SMG6: variants seen among roughly 807,000 people sequenced by gnomAD.
The protein encoded by SMG6 is telomerase-binding protein EST1A.
Under a neutral mutation model 142.2 loss-of-function variants are expected in SMG6, and 66 were observed. That is an observed-to-expected ratio of 0.46 (90% CI 0.38 to 0.57). The LOEUF is 0.57. Ranked by LOEUF, SMG6 falls within the 20% of genes least tolerant of loss-of-function variation. SMG6 has a pLI of 0.00. For synonymous variants in SMG6, 779 were observed against 702.4 expected, an observed-to-expected ratio of 1.11 and a Z score of -1.72; for missense variants, 1,793 against 1,832.0, an observed-to-expected ratio of 0.98 and a Z score of 0.39.
intron 15 of SMG6, among the ~76,000 whole-genome samples, chr17:2,069,509 T>C (rs566349272): frequency 2.0e-5 from 3 of 151,272 alleles, no homozygotes; most frequent in African/African-American, 7.3e-5. Flanking sequence ...CATGGGAGGA[T>C]TGCCTGAGCT....
At chr17:2,146,578 C>A (rs893552450) in intron 13 of SMG6, among the ~76,000 whole-genome samples, 1 of 152,134 alleles carries the variant, frequency 6.6e-6, no homozygotes, top group Non-Finnish European at 1.5e-5. Context: ...TAAGACTCTG[C>A]CACTCAGGCT....
chr17:2,239,503 AT>A (rs1171371619), intron 9 of SMG6, among the ~76,000 whole-genome samples: 5 of 152,324 alleles, frequency 3.3e-5, no homozygotes, highest in African/African-American at 9.6e-5. Flanking sequence ...GTTGTATTAC[AT>A]TTTTTAATCA....
At chr17:2,254,182 T>C (rs535912122) in intron 8 of SMG6, among the ~76,000 whole-genome samples, 1 of 152,200 alleles carries the variant, frequency 6.6e-6, no homozygotes, top group African/African-American at 2.4e-5. Context: ...GGAACTCTCA[T>C]GCCCATCCAC....
At chr17:2,207,762 A>G (rs912450120) in intron 10 of SMG6, among the ~76,000 whole-genome samples, 1 of 152,236 alleles carries the variant, frequency 6.6e-6, no homozygotes, top group Non-Finnish European at 1.5e-5. Context: ...TAAAAGCTAC[A>G]TTTATATTTT....
chr17:2,302,655 T>A, intron 1 of SMG6, among the ~76,000 whole-genome samples: 1 of 152,198 alleles, frequency 6.6e-6, no homozygotes, highest in East Asian at 1.9e-4. Flanking sequence ...CATTTACTGT[T>A]TGTAGGTGTA....
Position 2,129,120 on chromosome 17 carries a change from G to A in SMG6, c.3358-43219C>T, listed in dbSNP as rs551115266. ...CCCAGCATTTTGGGAAGCCAAGGCAGGCGGATCGCTTGAGCCCAGGATGGC... is the reference window on the plus strand; with the variant it reads ...CCCAGCATTTTGGGAAGCCAAGGCAAGCGGATCGCTTGAGCCCAGGATGGC... On this transcript the variant is annotated intron_variant, in intron 13 of 18. Coordinates refer to ENST00000263073, the MANE Select transcript of SMG6 (RefSeq NM_017575.5). 4.6e-5 allele frequency among the ~76,000 whole-genome samples: 7 copies of A among 152,202 alleles called. No homozygotes were observed. In the South Asian group the frequency reaches 1.4e-3, roughly 32 times the overall value.
chr17:2,120,275 G>A (rs944152287), intron 13 of SMG6, among the ~76,000 whole-genome samples: 6 of 152,118 alleles, frequency 3.9e-5, no homozygotes, highest in African/African-American at 1.4e-4. Flanking sequence ...TAAGACACAG[G>A]CTTTGTGAAA....
At chr17:2,121,806 G>A (rs947027453) in intron 13 of SMG6, among the ~76,000 whole-genome samples, 5 of 151,878 alleles carry the variant, frequency 3.3e-5, no homozygotes, top group African/African-American at 1.2e-4. Context: ...TTGTGGAGAT[G>A]GGGTTTCGCC....
intron 12 of SMG6, among the ~76,000 whole-genome samples, chr17:2,178,023 A>G (rs528934924): frequency 6.6e-6 from 1 of 152,358 alleles, no homozygotes; most frequent in Non-Finnish European, 1.5e-5. Flanking sequence ...GGAATTCAGC[A>G]GCTAATAGCA....
At chr17:2,189,812 C>T (rs1468087464) in intron 10 of SMG6, among the ~76,000 whole-genome samples, 2 of 151,456 alleles carry the variant, frequency 1.3e-5, no homozygotes, top group East Asian at 3.9e-4. Context: ...AAGGAGCAGG[C>T]TGCTGCTCAG....
chr17:2,092,081 G>A (rs2151452086), intron 13 of SMG6, among the ~76,000 whole-genome samples: 1 of 152,130 alleles, frequency 6.6e-6, no homozygotes, highest in South Asian at 2.1e-4. Flanking sequence ...CGCCTCCCGG[G>A]TTGAAGCGAT....
intron 9 of SMG6, among the ~76,000 whole-genome samples, chr17:2,243,019 G>A (rs1001197159): frequency 3.9e-5 from 6 of 152,192 alleles, no homozygotes; most frequent in South Asian, 2.1e-4. Context: ...AACTGCCAGA[G>A]TGGAACTTAA....
intron 13 of SMG6, among the ~76,000 whole-genome samples, chr17:2,157,750 A>C (rs1185021089): frequency 6.6e-6 from 1 of 152,246 alleles, no homozygotes; most frequent in African/African-American, 2.4e-5. Flanking sequence ...AATAAAACCA[A>C]AACAGGCAAA....
chr17:2,262,405 T>C (rs1477067873), intron 8 of SMG6, among the ~76,000 whole-genome samples: 1 of 152,224 alleles, frequency 6.6e-6, no homozygotes, highest in Non-Finnish European at 1.5e-5. Flanking sequence ...GAATCTTCAG[T>C]TCCAACTGAG....
Position 2,299,296 on chromosome 17 carries a change from G to A in SMG6, c.1457C>T (p.Thr486Ile), listed in dbSNP as rs1360061873. The change falls in exon 2 of 19, where the codon ACA becomes ATA. Residue 486 changes from threonine to isoleucine, a missense_variant. Around this residue, in one of 3 missense-constraint regions of SMG6, gnomAD observed 1,597 missense variants for 1,584.6 expected, o/e 1.01. Coordinates refer to ENST00000263073, the MANE Select transcript of SMG6 (RefSeq NM_017575.5). This position sits in a 1 kb window ranked among gnomAD's most constrained non-coding sequence, Gnocchi z 4.3. ...FLDTDDEVSP[T>I]SWGDSRQAQA... The stretch of plus-strand genomic sequence containing the variant: ...AGCCTGGCGTGAGTCACCCCAAGAT[G>A]TAGGGCTGACTTCATCATCAGTGTC... 1 of 1,614,122 alleles carries A rather than the reference G, an allele frequency of 6.2e-7. No individual in the cohort carries two copies. The highest frequency in any genetic ancestry group is 1.3e-5 in the African/African-American group (1 of 75,022).
intron 1 of SMG6, among the ~76,000 whole-genome samples, chr17:2,302,188 G>C (rs978668821): frequency 3.3e-5 from 5 of 152,136 alleles, no homozygotes; most frequent in Admixed American, 2.6e-4. Context: ...AGGAGGGGGA[G>C]GCTACAGTGA....
chr17:2,205,976 T>C (rs555205731), intron 10 of SMG6, among the ~76,000 whole-genome samples: 1 of 152,200 alleles, frequency 6.6e-6, no homozygotes, highest in African/African-American at 2.4e-5. Flanking sequence ...GTCTGGCTAA[T>C]TTTTATATTT....
intron 8 of SMG6, among the ~76,000 whole-genome samples, chr17:2,274,485 A>G (rs953320131): frequency 2.0e-5 from 3 of 152,230 alleles, no homozygotes; most frequent in Non-Finnish European, 2.9e-5. Flanking sequence ...AAGGAAGAAG[A>G]GCAAAAGGAG....
rs1198816168 is a variant in SMG6, at chr17:2,065,500, C to T, written c.4015G>A (p.Ala1339Thr). 20 of 1,613,324 alleles carry T rather than the reference C, an allele frequency of 1.2e-5. No individual in the cohort carries two copies. The highest frequency in any genetic ancestry group is 1.4e-5 in the Non-Finnish European group (17 of 1,179,982). The change falls in exon 17 of 19, where the codon GCC becomes ACC. Residue 1339 changes from alanine (A) to threonine (T), a missense_variant. Physicochemically the swap from Ala to Thr is moderately conservative, Grantham distance 58. Around this residue, in one of 3 missense-constraint regions of SMG6, gnomAD observed 179 missense variants for 212.6 expected, o/e 0.84. Coordinates refer to ENST00000263073, the MANE Select transcript of SMG6 (RefSeq NM_017575.5). The stretch of plus-strand genomic sequence containing the variant: ...CCAGTGATGTCCTCACTGCGGAAGG[C>T]GATGGATTCGAGTTCATTGCCACGG... ...TSRGNELESI[A>T]FRSEDITGQL... is the part of the protein sequence containing the mutation.
Sources: allele counts gnomAD v4.1 joint callset (sites outside exome capture counted in the v4.1 genomes callset), GRCh38; gene constraint gnomAD v4.1.1; regional missense constraint gnomAD v4.1.1; non-coding constraint Gnocchi (gnomAD v3.1); transcripts MANE v1.5; gene names NCBI Gene and HGNC (gene_info 2026-07-23, HGNC 2026-07-21).